The following UBE2D2 variants were observed in gnomAD, a reference collection of about 807,000 sequenced individuals.
UBE2D2 encodes ubiquitin conjugating enzyme E2 D2.
UBE2D2 carries 2 observed loss-of-function variants against 24.2 expected under a neutral mutation model. The ratio of observed to expected loss-of-function variants is 0.08; its 90% CI spans 0.03 to 0.26. The LOEUF (loss-of-function observed/expected upper bound fraction) is 0.26, where lower values mean the gene tolerates loss of function less well. Ranked by LOEUF, UBE2D2 falls within the 10% of genes least tolerant of loss-of-function variation. UBE2D2 has a pLI of 1.00. For synonymous variants in UBE2D2, 58 were observed against 56.5 expected (o/e 1.03, Z -0.12); for missense variants, 44 against 177.6 (o/e 0.25, Z 4.28).
chr5:139,546,544 G>A (rs1018041934), intron 1 of UBE2D2, among the ~76,000 whole-genome samples: 3 of 151,166 alleles, frequency 2.0e-5, no homozygotes, highest in East Asian at 2.0e-4. Context: ...GTACAGTGGT[G>A]AGATCTCAGC....
At chr5:139,539,654 C>T (rs1752730341) in intron 1 of UBE2D2, among the ~76,000 whole-genome samples, 1 of 152,070 alleles carries the variant, frequency 6.6e-6, no homozygotes, top group Non-Finnish European at 1.5e-5. Flanking sequence ...TGCAGTGGCT[C>T]GATCTCGGCT....
intron 2 of UBE2D2, among the ~76,000 whole-genome samples, chr5:139,612,750 A>T (rs761601847): frequency 4.6e-5 from 7 of 151,742 alleles, no homozygotes; most frequent in Non-Finnish European, 8.8e-5. Context: ...ATAGAGTGAG[A>T]CTCGTGTATG....
intron 1 of UBE2D2, among the ~76,000 whole-genome samples, chr5:139,552,654 A>T (rs1471866132): frequency 1.4e-5 from 2 of 138,262 alleles, no homozygotes; most frequent in Non-Finnish European, 3.1e-5. Context: ...GATTATAGGC[A>T]TGTGCCACCA....
At chr5:139,559,390 C>T (rs1753023680), upstream of UBE2D2, among the ~76,000 whole-genome samples, 1 of 150,702 alleles carries the variant, frequency 6.6e-6, no homozygotes. Context: ...AGCGTCACCG[C>T]ACTCCAGCCT....
At position 139,546,791 on chromosome 5, in the gene UBE2D2, TTTTC is replaced by T. The variant is rs1413984328; in HGVS notation, c.-64+20194_-64+20197del. On this transcript the variant is annotated intron_variant, in intron 1 of 6. Coordinates refer to the UBE2D2 transcript ENST00000511725. ...GTGAGCCACCGTGCCTGGCCTTAAA[TTTTC>T]TTTCTTTCTTTCTTCTTTCTTTCTT... Among the ~76,000 whole-genome samples the T allele has an allele frequency of 2.7e-3, 402 of 151,088 alleles. 2 individuals carry two copies. The highest frequency in any genetic ancestry group is 7.8e-3 in the African/African-American group (322 of 41,304).
upstream of UBE2D2, chr5:139,526,353 G>T (rs963394230): frequency 6.6e-6 from 1 of 152,258 alleles, no homozygotes; most frequent in South Asian, 2.1e-4. Flanking sequence ...TACATTTCTT[G>T]GTTCCCTGAC....
At chr5:139,552,502 CTTTTTTCTT>C (rs1752932992) in intron 1 of UBE2D2, among the ~76,000 whole-genome samples, 1 of 138,378 alleles carries the variant, frequency 7.2e-6, no homozygotes. Context: ...TTTCTTTTTT[CTTTTTTCTT>C]TTTTTTTTTT....
intron 1 of UBE2D2, among the ~76,000 whole-genome samples, chr5:139,537,744 C>A (rs1752703917): frequency 6.6e-6 from 1 of 151,786 alleles, no homozygotes; most frequent in Non-Finnish European, 1.5e-5. Context: ...GTGGGCGGAT[C>A]ACGAGGTCAG....
At chr5:139,595,576 C>T (rs1301265200) in intron 1 of UBE2D2, among the ~76,000 whole-genome samples, 1 of 151,960 alleles carries the variant, frequency 6.6e-6, no homozygotes, top group South Asian at 2.1e-4. Flanking sequence ...TGGGGTTTCG[C>T]CATGTTGGCC....
intron 1 of UBE2D2, chr5:139,562,095 G>A: frequency 4.2e-6 from 4 of 950,688 alleles, no homozygotes; most frequent in Non-Finnish European, 4.5e-6. Flanking sequence ...TCTCCAGTCT[G>A]GGACTGCCGC....
chr5:139,609,065 C>T (rs1754259146), intron 2 of UBE2D2, among the ~76,000 whole-genome samples: 4 of 150,942 alleles, frequency 2.7e-5, no homozygotes, highest in African/African-American at 7.3e-5. Context: ...CCAGCCCAGG[C>T]GACAGAGCGA....
At chr5:139,537,691 G>A (rs1375412718) in intron 1 of UBE2D2, among the ~76,000 whole-genome samples, 5 of 151,802 alleles carry the variant, frequency 3.3e-5, no homozygotes, top group African/African-American at 4.8e-5. Context: ...CTGGCCAGGC[G>A]TGGTAGCTCA....
chr5:139,595,980 G>GCCT (rs1479414545), intron 1 of UBE2D2, among the ~76,000 whole-genome samples: 1 of 134,910 alleles, frequency 7.4e-6, no homozygotes, highest in Non-Finnish European at 1.5e-5. Context: ...TGCAACCTCC[G>GCCT]CCTCCCTCGT....
chr5:139,574,586 A>C (rs1345374037), intron 1 of UBE2D2, among the ~76,000 whole-genome samples: 1 of 152,090 alleles, frequency 6.6e-6, no homozygotes, highest in Non-Finnish European at 1.5e-5. Flanking sequence ...ATCGTTTCTT[A>C]GTGTGTAGAC....
chr5:139,598,150 C>T (rs1354789950), intron 1 of UBE2D2, among the ~76,000 whole-genome samples: 1 of 152,196 alleles, frequency 6.6e-6, no homozygotes, highest in African/African-American at 2.4e-5. Context: ...ATCTGCCTGC[C>T]TCAGCCTCGT....
chr5:139,541,001 A>T (rs1347141289), intron 1 of UBE2D2, among the ~76,000 whole-genome samples: 1 of 151,692 alleles, frequency 6.6e-6, no homozygotes, highest in Non-Finnish European at 1.5e-5. Context: ...CTCAAAAAAA[A>T]AAAAGTCTGG....
intron 1 of UBE2D2, among the ~76,000 whole-genome samples, chr5:139,569,004 G>C (rs1753299856): frequency 6.6e-6 from 1 of 152,040 alleles, no homozygotes; most frequent in African/African-American, 2.4e-5. Context: ...TAGAGGTGTG[G>C]TACCATATAT....
chr5:139,543,216 CA>C (rs919621055), intron 1 of UBE2D2, among the ~76,000 whole-genome samples: 4 of 152,088 alleles, frequency 2.6e-5, no homozygotes, highest in Non-Finnish European at 4.4e-5. Context: ...TTAAATTAAA[CA>C]AAAATATTAA....
intron 2 of UBE2D2, among the ~76,000 whole-genome samples, chr5:139,605,591 C>CAAAAA (rs70988710): frequency 0.012 from 501 of 42,670 alleles, no homozygotes; most frequent in Non-Finnish European, 0.014. Flanking sequence ...GACTCTGTCT[C>CAAAAA]AAAAAAAAAA....
Sources: allele counts gnomAD v4.1 joint callset (sites outside exome capture counted in the v4.1 genomes callset), GRCh38; gene constraint gnomAD v4.1.1; transcripts MANE v1.5; gene names NCBI Gene and HGNC (gene_info 2026-07-23, HGNC 2026-07-21).